Variants in MAML3 observed in about 807,000 individuals in gnomAD.
MAML3 encodes mastermind like transcriptional coactivator 3, also known as mastermind-like protein 3.
MAML3 carries 27 observed loss-of-function variants against 101.9 expected under a neutral mutation model. That is an observed-to-expected ratio of 0.27 (90% CI 0.20 to 0.37). The LOEUF is 0.37. Ranked by LOEUF, MAML3 falls within the 10% of genes least tolerant of loss-of-function variation. MAML3 has a pLI of 1.00. For synonymous variants in MAML3, 501 were observed against 555.9 expected (o/e 0.90, Z 1.39); for missense variants, 1,316 against 1,444.9 (o/e 0.91, Z 1.45).
chr4:140,147,025 C>T (rs1309322610), intron 1 of MAML3, among the ~76,000 whole-genome samples: 1 of 149,644 alleles, frequency 6.7e-6, no homozygotes, highest in Non-Finnish European at 1.5e-5. Context: ...CTCAGCTACT[C>T]GGGAGGCTGA....
intron 1 of MAML3, among the ~76,000 whole-genome samples, chr4:139,911,244 G>T (rs1273490567): frequency 2.7e-5 from 4 of 149,872 alleles, no homozygotes; most frequent in African/African-American, 7.4e-5. Context: ...TTGCGATGGA[G>T]TCTTGCTCTG....
At chr4:140,017,744 A>C (rs563630872) in intron 1 of MAML3, among the ~76,000 whole-genome samples, 1 of 110,772 alleles carries the variant, frequency 9.0e-6, no homozygotes, top group East Asian at 3.4e-4. Context: ...TGACAAAATT[A>C]TAAAAATGAG....
At chr4:140,055,690 A>G (rs1727338880) in intron 1 of MAML3, among the ~76,000 whole-genome samples, 1 of 152,206 alleles carries the variant, frequency 6.6e-6, no homozygotes, top group Non-Finnish European at 1.5e-5. Flanking sequence ...ACAAAAAGCC[A>G]AAGGTACAAA....
rs117576339 is a variant in MAML3 at position 139,852,584 on chromosome 4, T to C, written c.2079+36773A>G. Among the ~76,000 whole-genome samples, 120 of 151,988 alleles carry C rather than the reference T, an allele frequency of 7.9e-4. 1 individual carries two copies. In the East Asian group the frequency reaches 0.021, roughly 27 times the overall value. ...CCTGCCATCATGTCTGGCTAATTTT[T>C]TTCGTAGTTTTGTAGAGACAGGGTT... On this transcript the variant is annotated intron_variant, in intron 2 of 4. Coordinates refer to ENST00000509479, the MANE Select transcript of MAML3 (RefSeq NM_018717.5).
Position 139,806,038 on chromosome 4 carries a change from T to C in MAML3, c.2080-75371A>G, listed in dbSNP as rs1011198681. Among the ~76,000 whole-genome samples the C allele has an allele frequency of 2.0e-5, 3 of 152,154 alleles. No individual in the cohort carries two copies. The East Asian group carries it at 5.8e-4, about 29-fold the overall frequency. ...AAATACATTTCTGAAGAGCATATAATTAAATGTAAAAAATGAACTCCAAAA... is the reference window on the plus strand; with the variant it reads ...AAATACATTTCTGAAGAGCATATAACTAAATGTAAAAAATGAACTCCAAAA... On this transcript the variant is annotated intron_variant, in intron 2 of 4. Coordinates refer to ENST00000509479, the MANE Select transcript of MAML3 (RefSeq NM_018717.5).
chr4:140,064,532 C>T (rs1727498479), intron 1 of MAML3, among the ~76,000 whole-genome samples: 1 of 152,234 alleles, frequency 6.6e-6, no homozygotes, highest in South Asian at 2.1e-4. Context: ...TGCTTTTCCA[C>T]ACTTCAAGAA....
intron 1 of MAML3, among the ~76,000 whole-genome samples, chr4:140,132,417 T>G (rs114270271): frequency 1.3e-4 from 20 of 152,324 alleles, no homozygotes; most frequent in Non-Finnish European, 2.1e-4. Flanking sequence ...TACCTGTGCT[T>G]CTCACAGCTG....
chr4:139,949,317 T>C (rs990296229), intron 1 of MAML3, among the ~76,000 whole-genome samples: 1 of 152,140 alleles, frequency 6.6e-6, no homozygotes, highest in African/African-American at 2.4e-5. Flanking sequence ...ACCCGGCCAG[T>C]AGTAGAAATT....
chr4:139,838,456 T>C (rs181213112), intron 2 of MAML3, among the ~76,000 whole-genome samples: 149 of 152,286 alleles, frequency 9.8e-4, no homozygotes, highest in African/African-American at 3.4e-3. Context: ...TATTGCTCAA[T>C]TCATCTTTTT....
chr4:139,968,931 G>T (rs1200107686), intron 1 of MAML3, among the ~76,000 whole-genome samples: 1 of 151,934 alleles, frequency 6.6e-6, no homozygotes, highest in Admixed American at 6.6e-5. Flanking sequence ...GCAGCGTGCT[G>T]CCCCAAACCT....
At chr4:139,753,961 G>A (rs1017472125) in intron 2 of MAML3, among the ~76,000 whole-genome samples, 1 of 151,958 alleles carries the variant, frequency 6.6e-6, no homozygotes, top group Non-Finnish European at 1.5e-5. Context: ...TGGAGGGAGG[G>A]GTAAGAGTTA....
intron 3 of MAML3, among the ~76,000 whole-genome samples, chr4:139,728,176 C>T (rs1251045791): frequency 6.6e-6 from 1 of 152,188 alleles, no homozygotes; most frequent in Admixed American, 6.5e-5. Context: ...GATCATGCCA[C>T]TGCACTCCAG....
intron 2 of MAML3, among the ~76,000 whole-genome samples, chr4:139,845,028 C>G (rs1426635464): frequency 6.6e-6 from 1 of 152,190 alleles, no homozygotes; most frequent in Non-Finnish European, 1.5e-5. Flanking sequence ...CTCTCTCCCT[C>G]TGCCCCAACA....
In MAML3 at chr4:140,087,348, AT is replaced by A. The variant is rs1298355967; in HGVS notation, c.468+65511del. On this transcript the variant is annotated intron_variant, in intron 1 of 4. Coordinates refer to ENST00000509479, the MANE Select transcript of MAML3 (RefSeq NM_018717.5). The stretch of plus-strand genomic sequence containing the variant: ...TGCCATAGCATCCCATTCTAAAGAC[AT>A]TTTTGTCTTACGAAGCAATATTTGC... Among the ~76,000 whole-genome samples the A allele has an allele frequency of 3.3e-5, 5 of 152,228 alleles. No individual in the cohort carries two copies. The East Asian group carries it at 9.7e-4, about 29-fold the overall frequency.
At chr4:140,028,435 C>T (rs1477650804) in intron 1 of MAML3, among the ~76,000 whole-genome samples, 1 of 152,206 alleles carries the variant, frequency 6.6e-6, no homozygotes, top group Non-Finnish European at 1.5e-5. Flanking sequence ...TTCTCTCTCT[C>T]TTTCCTCCCC....
intron 1 of MAML3, among the ~76,000 whole-genome samples, chr4:140,076,976 G>A (rs948159026): frequency 7.9e-5 from 12 of 152,000 alleles, no homozygotes; most frequent in East Asian, 1.9e-4. Flanking sequence ...TGCAACCTCC[G>A]CCTCCAGGGT....
At chr4:139,846,012 T>C (rs1221147768) in intron 2 of MAML3, among the ~76,000 whole-genome samples, 1 of 152,106 alleles carries the variant, frequency 6.6e-6, no homozygotes, top group East Asian at 1.9e-4. Flanking sequence ...AACTCAGAGT[T>C]TGAAATGCTC....
chr4:139,890,665 G>A lies in MAML3; in HGVS notation c.771C>T (p.Asn257=), dbSNP rs773612879. The A allele has an allele frequency of 2.4e-5, 39 of 1,613,882 alleles. No homozygotes were observed. The East Asian group carries it at 3.3e-4, about 14-fold the overall frequency. Residue 257 remains asparagine, a synonymous_variant, in exon 2 of 5, where the codon AAC becomes AAT. Transcript: ENST00000509479. The surrounding 1 kb of genome is among the most constrained non-coding windows in gnomAD (Gnocchi z 4.1). ...AGCTATCCTCCAGGTCACTGCAACCGTTGACAGGAAGTTTAATCTCAGGGA... is the reference window on the plus strand; with the variant it reads ...AGCTATCCTCCAGGTCACTGCAACCATTGACAGGAAGTTTAATCTCAGGGA... The part of the protein sequence containing the change: ...GRLPEIKLPV[N]GCSDLEDSFT...
At chr4:139,756,813 TG>T (rs1256352172) in intron 2 of MAML3, among the ~76,000 whole-genome samples, 1 of 152,220 alleles carries the variant, frequency 6.6e-6, no homozygotes, top group Non-Finnish European at 1.5e-5. Context: ...AATAATTATC[TG>T]GGGAAACACC....
Sources: gnomAD v4.1 joint callset for allele counts (sites outside exome capture counted in the v4.1 genomes callset) on GRCh38, gnomAD v4.1.1 for gene constraint, Gnocchi (gnomAD v3.1) non-coding constraint, MANE v1.5 for transcripts, NCBI Gene and HGNC (gene_info 2026-07-23, HGNC 2026-07-21) for gene names.